The following RTTN variants were observed in gnomAD, a reference collection of about 807,000 sequenced individuals.
RTTN encodes rotatin.
In RTTN, 182 loss-of-function variants were observed where a neutral mutation model predicts 269.2. The ratio of observed to expected loss-of-function variants is 0.68; its 90% confidence interval spans 0.60 to 0.76. The LOEUF is 0.76. Among genes scored for constraint, RTTN ranks in the 30% least tolerant of loss-of-function variants. The pLI is 0.00. For missense variants in RTTN, 2,545 were observed against 2,608.6 expected (o/e 0.98, Z 0.53); for synonymous variants, 1,006 against 963.5 (o/e 1.04, Z -0.82).
At chr18:70,167,676 C>T (rs1384284772) in intron 12 of RTTN, among the ~76,000 whole-genome samples, 2 of 151,140 alleles carry the variant, frequency 1.3e-5, no homozygotes, top group South Asian at 2.1e-4. Flanking sequence ...TGCACTCCAG[C>T]CTGGGAGACA....
intron 30 of RTTN, among the ~76,000 whole-genome samples, chr18:70,090,697 T>C (rs2145223368): frequency 6.6e-6 from 1 of 152,330 alleles, no homozygotes; most frequent in South Asian, 2.1e-4. Flanking sequence ...CTTTTCCTCC[T>C]TGGTTTCAAA....
chr18:70,030,470 CAA>C (rs1021217808), intron 41 of RTTN, among the ~76,000 whole-genome samples: 2 of 152,248 alleles, frequency 1.3e-5, no homozygotes, highest in Admixed American at 1.3e-4. Flanking sequence ...TTACAACACT[CAA>C]GAGGGAAATT....
At chr18:70,147,388 G>C (rs1447184388) in intron 17 of RTTN, among the ~76,000 whole-genome samples, 1 of 150,730 alleles carries the variant, frequency 6.6e-6, no homozygotes, top group Non-Finnish European at 1.5e-5. Flanking sequence ...AGAAGCAATA[G>C]GCTATAGGAT....
Position 70,096,805 on chromosome 18 carries a change from T to A in RTTN, c.3904-4001A>T, listed in dbSNP as rs35065048. Among the ~76,000 whole-genome samples, 534 of 152,346 alleles carry A rather than the reference T, an allele frequency of 3.5e-3. 3 individuals carry two copies. Among genetic ancestry groups the A allele is most frequent in the Non-Finnish European group, 6.3e-3 (432 of 68,032 alleles). On this transcript the variant is annotated intron_variant, in intron 28 of 48. Coordinates refer to ENST00000640769, the MANE Select transcript of RTTN (RefSeq NM_173630.4). ...CCAACTTAAGGAGGTAGTCTGTCCC[T>A]TAGCAGAGCTTGAGTGCTGTGCTGG...
rs780907650 is a variant in RTTN at position 70,139,591 on chromosome 18, T to C, written c.2788+8A>G. On this transcript the variant is annotated splice_region_variant and intron_variant, in intron 21 of 48. Transcript: ENST00000640769. ...AATCTAATTATTAGCAGATTTTCTT[T>C]TATTTACCTCTGAATAACACGGTCA... is the stretch of plus-strand genomic sequence containing the variant. 1.3e-6 allele frequency: 2 copies of C among 1,539,548 alleles called. No individual in the cohort carries two copies. Among genetic ancestry groups the C allele is most frequent in the African/African-American group, 2.7e-5 (2 of 72,836 alleles).
chr18:70,156,795 T>A (rs1357633295), intron 14 of RTTN, among the ~76,000 whole-genome samples: 1 of 152,132 alleles, frequency 6.6e-6, no homozygotes, highest in Non-Finnish European at 1.5e-5. Flanking sequence ...CCCTGATAGG[T>A]GCCCATCACC....
intron 10 of RTTN, among the ~76,000 whole-genome samples, chr18:70,179,745 T>G (rs2061379134): frequency 6.6e-6 from 1 of 152,218 alleles, no homozygotes; most frequent in Non-Finnish European, 1.5e-5. Context: ...CTCTGCAATA[T>G]ACAATGGGTT....
intron 5 of RTTN, 79 bp downstream of exon 5, chr18:70,199,335 G>T: frequency 1.1e-6 from 1 of 914,434 alleles, no homozygotes; most frequent in Non-Finnish European, 1.7e-6. Flanking sequence ...TCTTTTCCTG[G>T]TAAAACATAT....
chr18:70,127,135 C>A (rs930103710), intron 25 of RTTN, among the ~76,000 whole-genome samples: 2 of 152,226 alleles, frequency 1.3e-5, no homozygotes, highest in East Asian at 3.9e-4. Context: ...AAAAGCAAAA[C>A]AAAACAGCCT....
chr18:70,075,714 A>G (rs903351845), intron 32 of RTTN, among the ~76,000 whole-genome samples, 173 bp from the exon 33 acceptor site: 1 of 152,048 alleles, frequency 6.6e-6, no homozygotes, highest in South Asian at 2.1e-4. Context: ...AAATTATTCC[A>G]TAATACTCTA....
intron 30 of RTTN, among the ~76,000 whole-genome samples, chr18:70,088,720 T>C (rs2058765530): frequency 6.6e-6 from 1 of 152,140 alleles, no homozygotes; most frequent in African/African-American, 2.4e-5. Context: ...TGAATTCGAA[T>C]CCAAAAATAT....
chr18:70,183,028 G>T (rs1035868200), intron 10 of RTTN, among the ~76,000 whole-genome samples: 1 of 152,056 alleles, frequency 6.6e-6, no homozygotes, highest in African/African-American at 2.4e-5. Flanking sequence ...AAAACTTTAC[G>T]TAAAACTTCC....
chr18:70,165,870 T>C (rs969479771), intron 14 of RTTN, among the ~76,000 whole-genome samples, 192 bp downstream of exon 14: 1 of 152,154 alleles, frequency 6.6e-6, no homozygotes, highest in Non-Finnish European at 1.5e-5. Context: ...GCAATTCAAT[T>C]GCTGGACTTA....
At chr18:70,091,569 C>T (rs2058847074) in intron 30 of RTTN, 1 of 152,254 alleles carries the variant, frequency 6.6e-6, no homozygotes, top group Non-Finnish European at 1.5e-5. Flanking sequence ...ACTATGCCGG[C>T]ACTCTGATCT....
chr18:70,050,651 T>C (rs1179387244), intron 39 of RTTN, among the ~76,000 whole-genome samples: 3 of 152,144 alleles, frequency 2.0e-5, no homozygotes, highest in South Asian at 4.1e-4. Flanking sequence ...CTGTTCACAA[T>C]AGCAAAGACT....
chr18:70,023,411 GCTTA>G (rs2056762694), intron 44 of RTTN, among the ~76,000 whole-genome samples: 1 of 152,130 alleles, frequency 6.6e-6, no homozygotes, highest in Non-Finnish European at 1.5e-5. Flanking sequence ...TTCAACTCCA[GCTTA>G]CTATTTTCAC....
intron 47 of RTTN, 120 bp from the exon 48 acceptor site, chr18:70,005,387 A>T: frequency 1.7e-6 from 1 of 597,748 alleles, no homozygotes; most frequent in Non-Finnish European, 2.8e-6. Context: ...TAATAATATA[A>T]CTAGAGAGTT....
At chr18:70,035,262 C>T (rs2057136638) in intron 40 of RTTN, among the ~76,000 whole-genome samples, 2 of 152,158 alleles carry the variant, frequency 1.3e-5, no homozygotes, top group Non-Finnish European at 2.9e-5. Flanking sequence ...CAAGGCAATT[C>T]TAAGCAAAAA....
chr18:70,190,957 G>T (rs1391738148), intron 8 of RTTN, among the ~76,000 whole-genome samples: 1 of 152,164 alleles, frequency 6.6e-6, no homozygotes, highest in Non-Finnish European at 1.5e-5. Flanking sequence ...GGAGGCCAAG[G>T]CGGGCAGATC....
Sources: gnomAD v4.1 joint callset for allele counts (sites outside exome capture counted in the v4.1 genomes callset) on GRCh38, gnomAD v4.1.1 for gene constraint, MANE v1.5 for transcripts, NCBI Gene and HGNC (gene_info 2026-07-23, HGNC 2026-07-21) for gene names.